TSHZ2: variants seen among roughly 807,000 people sequenced by gnomAD.
TSHZ2 encodes the protein teashirt homolog 2.
Under a neutral mutation model 74.4 loss-of-function variants are expected in TSHZ2, and 21 were observed. The ratio of observed to expected loss-of-function variants is 0.28; its 90% CI spans 0.20 to 0.41. The LOEUF is 0.41. Among genes scored for constraint, TSHZ2 ranks in the 10% least tolerant of loss-of-function variants. The probability of loss-of-function intolerance (pLI) is 1.00; values close to 1 mark genes in which losing one functional copy is unlikely to be tolerated. For synonymous variants in TSHZ2, 540 were observed against 515.3 expected (o/e 1.05, Z -0.65); for missense variants, 1,244 against 1,293.5 (o/e 0.96, Z 0.59).
At chr20:53,268,088 G>A (rs1286834755) in intron 2 of TSHZ2, among the ~76,000 whole-genome samples, 4 of 152,086 alleles carry the variant, frequency 2.6e-5, no homozygotes, top group Admixed American at 2.0e-4. Flanking sequence ...TGGAGCCTTC[G>A]GAGGCCTTTT....
intron 1 of TSHZ2, among the ~76,000 whole-genome samples, chr20:53,006,789 A>T (rs1332372769): frequency 6.6e-6 from 1 of 152,202 alleles, no homozygotes; most frequent in African/African-American, 2.4e-5. Flanking sequence ...CTAAAATAGC[A>T]TCATTCTAAT....
intron 1 of TSHZ2, among the ~76,000 whole-genome samples, chr20:53,133,056 T>C (rs796927868): frequency 6.6e-5 from 10 of 152,318 alleles, no homozygotes; most frequent in African/African-American, 2.4e-4. Context: ...GTTTTTAATA[T>C]TATTCATTGC....
chr20:53,149,073 A>G (rs1478968667), intron 1 of TSHZ2, among the ~76,000 whole-genome samples: 1 of 151,954 alleles, frequency 6.6e-6, no homozygotes, highest in Non-Finnish European at 1.5e-5. Context: ...GATCTTATAC[A>G]TTCTTCCCCC....
rs1984936138 is a variant in TSHZ2, at chr20:53,453,979, G to T, written c.*9-33165G>T. On this transcript the variant is annotated intron_variant, in intron 2 of 2. Transcript: ENST00000371497. ...TTTTGAAAATATCATGAGAGCTACA[G>T]ATTCTCTCTCCAGGAAAATCAAGTC... Among the ~76,000 whole-genome samples, 5 of 152,282 alleles carry T rather than the reference G, an allele frequency of 3.3e-5. No homozygotes were observed. The South Asian group carries it at 1.0e-3, about 32-fold the overall frequency.
At chr20:53,298,188 A>G (rs768563022) in intron 2 of TSHZ2, among the ~76,000 whole-genome samples, 1 of 152,208 alleles carries the variant, frequency 6.6e-6, no homozygotes, top group African/African-American at 2.4e-5. Flanking sequence ...AAAACCCACT[A>G]TACGCCAGGT....
intron 1 of TSHZ2, among the ~76,000 whole-genome samples, chr20:53,137,314 A>G (rs1010101035): frequency 5.2e-5 from 5 of 95,608 alleles, no homozygotes; most frequent in Admixed American, 3.5e-4. Context: ...TTTTTTTTTC[A>G]TTCTAAACAC....
At chr20:53,231,196 C>A (rs532315864) in intron 1 of TSHZ2, among the ~76,000 whole-genome samples, 2 of 152,082 alleles carry the variant, frequency 1.3e-5, no homozygotes, top group Non-Finnish European at 2.9e-5. Context: ...CTAAAACAAG[C>A]GGAATAAACA....
chr20:53,218,813 T>C (rs1437651541), intron 1 of TSHZ2, among the ~76,000 whole-genome samples: 1 of 152,240 alleles, frequency 6.6e-6, no homozygotes, highest in Non-Finnish European at 1.5e-5. Context: ...ATGAAGATAT[T>C]CTAAAATATT....
intron 1 of TSHZ2, among the ~76,000 whole-genome samples, chr20:53,245,736 G>A (rs1463238837): frequency 3.9e-5 from 6 of 152,148 alleles, no homozygotes; most frequent in Non-Finnish European, 8.8e-5. Context: ...TGAATAGTAT[G>A]GGTTTACAAT....
At chr20:52,997,259 C>CGG (rs141577108) in intron 1 of TSHZ2, among the ~76,000 whole-genome samples, 2,948 of 149,048 alleles carry the variant, frequency 0.02, 64 homozygotes, top group African/African-American at 0.053. Context: ...CATCTTGCCC[C>CGG]GGGGGGGGGT....
intron 2 of TSHZ2, among the ~76,000 whole-genome samples, chr20:53,473,343 C>A (rs1374578345): frequency 4.9e-5 from 7 of 142,942 alleles, no homozygotes; most frequent in South Asian, 4.7e-4. Context: ...AAGTGGGTCC[C>A]TGACCCCTGA....
At chr20:53,201,117 A>G (rs961326400) in intron 1 of TSHZ2, among the ~76,000 whole-genome samples, 1 of 152,212 alleles carries the variant, frequency 6.6e-6, no homozygotes, top group African/African-American at 2.4e-5. Context: ...ACTTCTAAGA[A>G]CAATGGGAAA....
At chr20:53,417,558 A>G (rs1483706284) in intron 2 of TSHZ2, among the ~76,000 whole-genome samples, 3 of 152,104 alleles carry the variant, frequency 2.0e-5, no homozygotes, top group African/African-American at 4.8e-5. Context: ...TGGCCTCCCA[A>G]TGTGCTGGGA....
chr20:53,046,892 G>A (rs547645663), intron 1 of TSHZ2, among the ~76,000 whole-genome samples: 1 of 152,294 alleles, frequency 6.6e-6, no homozygotes, highest in South Asian at 2.1e-4. Flanking sequence ...AGCCCTTAAT[G>A]CATGTTATGA....
rs531010007 is a variant in TSHZ2, at chr20:53,108,546, C to A, written c.40+135213C>A. Among the ~76,000 whole-genome samples, 4 of 152,304 alleles carry A rather than the reference C, an allele frequency of 2.6e-5. No homozygotes were observed. The South Asian group carries it at 8.3e-4, about 32-fold the overall frequency. On this transcript the variant is annotated intron_variant, in intron 1 of 2. Coordinates refer to ENST00000371497, the MANE Select transcript of TSHZ2 (RefSeq NM_173485.6). ...GAATTCTTTCTGAATATCATGAGTG[C>A]AGACTGTGACTTCAGAGCATCCCTT...
At chr20:53,150,160 A>C (rs1987642853) in intron 1 of TSHZ2, among the ~76,000 whole-genome samples, 1 of 152,180 alleles carries the variant, frequency 6.6e-6, no homozygotes, top group South Asian at 2.1e-4. Flanking sequence ...AGAGAGGTTA[A>C]GTAACTTATC....
intron 1 of TSHZ2, among the ~76,000 whole-genome samples, chr20:53,007,474 G>A (rs976855644): frequency 5.3e-5 from 8 of 152,200 alleles, no homozygotes; most frequent in African/African-American, 1.9e-4. Context: ...TGAAAGACAG[G>A]AAGAAGCACA....
At chr20:53,050,130 T>TATATATATATAGATATAC (rs1555819319) in intron 1 of TSHZ2, among the ~76,000 whole-genome samples, 1 of 88,346 alleles carries the variant, frequency 1.1e-5, no homozygotes, top group African/African-American at 6.8e-5. Context: ...TATATACACA[T>TATATATATATAGATATAC]ATATATATGT....
At chr20:53,232,158 G>A (rs1027858689) in intron 1 of TSHZ2, among the ~76,000 whole-genome samples, 1 of 152,030 alleles carries the variant, frequency 6.6e-6, no homozygotes, top group Non-Finnish European at 1.5e-5. Context: ...CCAAAGTGTT[G>A]GTATTACAGG....
Sources: gnomAD v4.1 joint callset for allele counts (sites outside exome capture counted in the v4.1 genomes callset) on GRCh38, gnomAD v4.1.1 for gene constraint, MANE v1.5 for transcripts, NCBI Gene and HGNC (gene_info 2026-07-23, HGNC 2026-07-21) for gene names.